Variants in FBXL7 observed in about 807,000 individuals in gnomAD.
The protein encoded by FBXL7 is F-box and leucine rich repeat protein 7.
Under a neutral mutation model 38.3 loss-of-function variants are expected in FBXL7, and 12 were observed. That is an observed-to-expected ratio of 0.31 (90% CI 0.20 to 0.51). FBXL7 has a LOEUF of 0.51. Ranked by LOEUF, FBXL7 falls within the 20% of genes least tolerant of loss-of-function variation. The probability of loss-of-function intolerance (pLI) is 0.98; values close to 1 mark genes in which losing one functional copy is unlikely to be tolerated. For synonymous variants in FBXL7, 297 were observed against 300.9 expected (o/e 0.99, Z 0.13); for missense variants, 567 against 676.4 (o/e 0.84, Z 1.79).
At chr5:15,916,416 G>A (rs1741586025) in intron 2 of FBXL7, among the ~76,000 whole-genome samples, 1 of 152,178 alleles carries the variant, frequency 6.6e-6, no homozygotes, top group South Asian at 2.1e-4. Context: ...GGAGTCATTA[G>A]CTTATAGGCA....
At chr5:15,535,513 G>C (rs1022294207) in intron 1 of FBXL7, among the ~76,000 whole-genome samples, 1 of 152,240 alleles carries the variant, frequency 6.6e-6, no homozygotes, top group African/African-American at 2.4e-5. Context: ...TTCTTGCAAT[G>C]CTTTAGCAAA....
chr5:15,694,039 G>C (rs1014243693), intron 2 of FBXL7, among the ~76,000 whole-genome samples: 40 of 152,092 alleles, frequency 2.6e-4, no homozygotes, highest in Non-Finnish European at 5.6e-4. Context: ...CCTGGGGACG[G>C]TAAGCTGAAA....
chr5:15,627,503 T>A (rs564700845), intron 2 of FBXL7, among the ~76,000 whole-genome samples: 1 of 152,284 alleles, frequency 6.6e-6, no homozygotes, highest in East Asian at 1.9e-4. Context: ...CTGAATAGGC[T>A]CACAAAGTGT....
At chr5:15,765,749 T>G (rs148438519) in intron 2 of FBXL7, among the ~76,000 whole-genome samples, 1 of 151,994 alleles carries the variant, frequency 6.6e-6, no homozygotes, top group Non-Finnish European at 1.5e-5. Flanking sequence ...GTTCCAGGAG[T>G]GTGAATCCAT....
At chr5:15,819,776 G>A (rs1738122407) in intron 2 of FBXL7, among the ~76,000 whole-genome samples, 1 of 152,140 alleles carries the variant, frequency 6.6e-6, no homozygotes, top group Non-Finnish European at 1.5e-5. Context: ...CACCAGCCCT[G>A]TACTTCACCG....
At chr5:15,520,317 C>A (rs867342836) in intron 1 of FBXL7, among the ~76,000 whole-genome samples, 1 of 152,174 alleles carries the variant, frequency 6.6e-6, no homozygotes, top group South Asian at 2.1e-4. Context: ...CCTTATTTTA[C>A]CCAGCTGCTA....
intron 2 of FBXL7, among the ~76,000 whole-genome samples, chr5:15,697,725 T>G (rs1743384241): frequency 1.3e-5 from 2 of 152,138 alleles, no homozygotes; most frequent in South Asian, 4.1e-4. Flanking sequence ...TTTTGGATAT[T>G]TAAAAAATTT....
chr5:15,639,765 A>G (rs1047206036), intron 2 of FBXL7, among the ~76,000 whole-genome samples: 2 of 151,840 alleles, frequency 1.3e-5, no homozygotes, highest in African/African-American at 2.4e-5. Context: ...AAAATGCTCA[A>G]TGAACATTAT....
At position 15,656,700 on chromosome 5, in the gene FBXL7, T is replaced by C. The variant is rs527547271; in HGVS notation, c.127+40628T>C. Among the ~76,000 whole-genome samples the C allele has an allele frequency of 7.8e-4, 119 of 152,094 alleles. 1 individual carries two copies. Among genetic ancestry groups the C allele is most frequent in the African/African-American group, 2.7e-3 (114 of 41,492 alleles). ...ACATTGTTTTGTAAATAGTAGGTTG[T>C]TATAATAAAGACAAAAGGGAACTAG... On this transcript the variant is annotated intron_variant, in intron 2 of 3. Transcript: ENST00000504595.
At chr5:15,853,866 G>A (rs1028594399) in intron 2 of FBXL7, among the ~76,000 whole-genome samples, 4 of 152,150 alleles carry the variant, frequency 2.6e-5, no homozygotes, top group African/African-American at 9.7e-5. Flanking sequence ...GTTTGAATTT[G>A]TTCAGTACAC....
chr5:15,681,252 A>G, intron 2 of FBXL7, among the ~76,000 whole-genome samples: 1 of 152,208 alleles, frequency 6.6e-6, no homozygotes. Context: ...AAAGTTAGCA[A>G]AGATTTCCTT....
chr5:15,876,734 A>T (rs532703561), intron 2 of FBXL7, among the ~76,000 whole-genome samples: 2 of 152,318 alleles, frequency 1.3e-5, no homozygotes, highest in African/African-American at 4.8e-5. Context: ...AGTTCCACTT[A>T]TGGGAGCTCT....
chr5:15,573,484 G>C (rs1738855416), intron 1 of FBXL7, among the ~76,000 whole-genome samples: 1 of 152,190 alleles, frequency 6.6e-6, no homozygotes, highest in Non-Finnish European at 1.5e-5. Context: ...TAAAATAAAA[G>C]AAGGGGGAAG....
chr5:15,807,980 G>A (rs554981079), intron 2 of FBXL7, among the ~76,000 whole-genome samples: 2 of 152,236 alleles, frequency 1.3e-5, no homozygotes, highest in South Asian at 4.1e-4. Flanking sequence ...TGAGCTATGA[G>A]GCAGACAGGG....
intron 2 of FBXL7, among the ~76,000 whole-genome samples, chr5:15,888,289 G>A (rs1166395413): frequency 4.0e-5 from 6 of 151,572 alleles, no homozygotes; most frequent in African/African-American, 4.9e-5. Context: ...GTGCAGTGGC[G>A]CAATCTCGGC....
At chr5:15,690,712 T>C (rs542461807) in intron 2 of FBXL7, among the ~76,000 whole-genome samples, 2 of 152,314 alleles carry the variant, frequency 1.3e-5, no homozygotes, top group Admixed American at 1.3e-4. Flanking sequence ...TATTGAATGA[T>C]CTCACCCATA....
intron 2 of FBXL7, among the ~76,000 whole-genome samples, chr5:15,705,723 T>A (rs747618961): frequency 2.1e-4 from 32 of 152,194 alleles, no homozygotes; most frequent in Non-Finnish European, 4.0e-4. Context: ...GATCTTTGAA[T>A]GCCTCTACAT....
intron 2 of FBXL7, among the ~76,000 whole-genome samples, chr5:15,796,437 G>T (rs907634929): frequency 4.0e-5 from 6 of 151,868 alleles, no homozygotes; most frequent in Non-Finnish European, 7.4e-5. Flanking sequence ...GAGACCATTT[G>T]GCCTGCAAAG....
intron 1 of FBXL7, among the ~76,000 whole-genome samples, chr5:15,513,840 G>C (rs1436287070): frequency 6.6e-6 from 1 of 152,070 alleles, no homozygotes; most frequent in Admixed American, 6.5e-5. Context: ...TTTCTGTTCT[G>C]AATAACATAC....
Sources: gnomAD v4.1 joint callset for allele counts (sites outside exome capture counted in the v4.1 genomes callset) on GRCh38, gnomAD v4.1.1 for gene constraint, MANE v1.5 for transcripts, NCBI Gene and HGNC (gene_info 2026-07-23, HGNC 2026-07-21) for gene names.